The following TRERF1 variants were observed in gnomAD, a reference collection of about 807,000 sequenced individuals.
TRERF1 encodes the protein transcriptional regulating factor 1, also known as transcriptional-regulating factor 1.
TRERF1 carries 27 observed loss-of-function variants against 122.9 expected under a neutral mutation model. That is an observed-to-expected ratio of 0.22 (90% CI 0.16 to 0.30). The LOEUF (loss-of-function observed/expected upper bound fraction) is 0.30, where lower values mean the gene tolerates loss of function less well. Among genes scored for constraint, TRERF1 ranks in the 10% least tolerant of loss-of-function variants. TRERF1 has a pLI of 1.00. For missense variants in TRERF1, 1,248 were observed against 1,560.3 expected (o/e 0.80, Z 3.37); for synonymous variants, 636 against 641.7 (o/e 0.99, Z 0.13).
At chr6:42,430,123 A>C (rs450961) in intron 2 of TRERF1, among the ~76,000 whole-genome samples, 144,175 of 151,392 alleles carry the variant, frequency 0.95, 68,901 homozygotes, top group East Asian at 1. Flanking sequence ...CAGGGGGGCT[A>C]AGGACTACTG....
chr6:42,326,060 G>C (rs1764232407), intron 3 of TRERF1, among the ~76,000 whole-genome samples: 1 of 152,130 alleles, frequency 6.6e-6, no homozygotes, highest in African/African-American at 2.4e-5. Context: ...GCTTCCTATT[G>C]GGTACTATGT....
chr6:42,440,526 A>T (rs1260730565), intron 2 of TRERF1, among the ~76,000 whole-genome samples: 1 of 152,170 alleles, frequency 6.6e-6, no homozygotes, highest in African/African-American at 2.4e-5. Context: ...TATAAATAGC[A>T]GTTACTACTA....
intron 4 of TRERF1, among the ~76,000 whole-genome samples, chr6:42,285,766 T>G (rs1468695780): frequency 6.6e-6 from 1 of 152,152 alleles, no homozygotes; most frequent in Non-Finnish European, 1.5e-5. Context: ...TACCAATGAC[T>G]TTCTTCACAG....
At chr6:42,225,799 T>A (rs1769426357) in exon 18 of TRERF1, 1 of 152,206 alleles carries the variant, frequency 6.6e-6, no homozygotes, top group African/African-American at 2.4e-5. Context: ...TAATAAAATA[T>A]AACAGCAGTT....
intron 2 of TRERF1, among the ~76,000 whole-genome samples, chr6:42,407,893 A>T (rs9394897): frequency 7.3e-5 from 11 of 151,370 alleles, no homozygotes; most frequent in African/African-American, 2.7e-4. Flanking sequence ...TTCTTGTCGC[A>T]CTTAACTTTG....
intron 2 of TRERF1, among the ~76,000 whole-genome samples, chr6:42,374,137 TAA>T (rs373255205): frequency 7.9e-6 from 1 of 127,368 alleles, no homozygotes. Context: ...GTCTTTTTTT[TAA>T]AAAAAAAAAA....
Position 42,251,449 on chromosome 6 carries a change from T to C in TRERF1, c.2656+3402A>G, listed in dbSNP as rs1199392912. Among the ~76,000 whole-genome samples the C allele has an allele frequency of 2.0e-5, 3 of 152,254 alleles. No individual in the cohort carries two copies. In the East Asian group the frequency reaches 5.8e-4, roughly 29 times the overall value. Reference sequence around the variant, plus strand: ...GGGGGTGCAAGTTGAAGCAGGCTATTACACCAGAGTTTTCTCTGTGGATAA... The same window carrying C: ...GGGGGTGCAAGTTGAAGCAGGCTATCACACCAGAGTTTTCTCTGTGGATAA... On this transcript the variant is annotated intron_variant, in intron 13 of 17. Transcript: ENST00000372922.
At chr6:42,351,876 G>C (rs1332943620) in intron 3 of TRERF1, among the ~76,000 whole-genome samples, 2 of 152,164 alleles carry the variant, frequency 1.3e-5, no homozygotes, top group Non-Finnish European at 2.9e-5. Flanking sequence ...CCAATGGAAG[G>C]GGCCTGGGCT....
At chr6:42,299,080 A>ATATCTATCTATCTATC (rs10627055) in intron 4 of TRERF1, among the ~76,000 whole-genome samples, 1 of 134,616 alleles carries the variant, frequency 7.4e-6, no homozygotes, top group African/African-American at 3.1e-5. Flanking sequence ...GTCTCTAAAA[A>ATATCTATCTATCTATC]TATCTATCTA....
At chr6:42,413,428 ATTTTTTTTTT>A (rs5875802) in intron 2 of TRERF1, among the ~76,000 whole-genome samples, 1 of 119,058 alleles carries the variant, frequency 8.4e-6, no homozygotes. Context: ...CAGAATCTGC[ATTTTTTTTTT>A]TTTTTTTTTT....
chr6:42,291,352 C>G (rs150089892), intron 4 of TRERF1, among the ~76,000 whole-genome samples: 9 of 151,762 alleles, frequency 5.9e-5, no homozygotes, highest in African/African-American at 2.2e-4. Flanking sequence ...AGTACAGGCA[C>G]GTCCCATGAA....
At chr6:42,333,717 C>A (rs1765632002) in intron 3 of TRERF1, among the ~76,000 whole-genome samples, 3 of 152,194 alleles carry the variant, frequency 2.0e-5, no homozygotes, top group Admixed American at 2.0e-4. Context: ...TAACTTCAGC[C>A]TCCATGGGAG....
chr6:42,364,383 G>A (rs1475362985), intron 2 of TRERF1, among the ~76,000 whole-genome samples: 2 of 152,128 alleles, frequency 1.3e-5, no homozygotes, highest in Non-Finnish European at 2.9e-5. Context: ...ATTACCACCT[G>A]ACATTTATTA....
chr6:42,234,685 T>A (rs961070981), intron 16 of TRERF1, among the ~76,000 whole-genome samples: 2 of 152,190 alleles, frequency 1.3e-5, no homozygotes, highest in African/African-American at 2.4e-5. Flanking sequence ...TATCGCTGAC[T>A]TAGCAACCAA....
chr6:42,351,878 GC>G (rs1341097221), intron 3 of TRERF1, among the ~76,000 whole-genome samples: 1 of 152,186 alleles, frequency 6.6e-6, no homozygotes, highest in African/African-American at 2.4e-5. Flanking sequence ...AATGGAAGGG[GC>G]CTGGGCTGCT....
chr6:42,436,133 T>C (rs1036694345), intron 2 of TRERF1, among the ~76,000 whole-genome samples: 1 of 151,450 alleles, frequency 6.6e-6, no homozygotes, highest in Non-Finnish European at 1.5e-5. Flanking sequence ...CTTTGGGAGG[T>C]TGAGGCAGGT....
intron 2 of TRERF1, among the ~76,000 whole-genome samples, chr6:42,407,552 C>T (rs1780353867): frequency 1.3e-5 from 2 of 152,128 alleles, no homozygotes; most frequent in Admixed American, 1.3e-4. Context: ...TCACCATTAC[C>T]TCCTCTCAGG....
At chr6:42,339,410 TA>T (rs1202739380) in intron 3 of TRERF1, among the ~76,000 whole-genome samples, 8 of 152,148 alleles carry the variant, frequency 5.3e-5, no homozygotes, top group Non-Finnish European at 8.8e-5. Context: ...ACTCACAATA[TA>T]ATAGCAGGGT....
intron 15 of TRERF1, among the ~76,000 whole-genome samples, 190 bp from the exon 16 acceptor site, chr6:42,236,601 G>GCCTT (rs1772277280): frequency 1.3e-5 from 2 of 152,158 alleles, no homozygotes; most frequent in Non-Finnish European, 2.9e-5. Context: ...CGGATGCTTA[G>GCCTT]GACTTCGAGG....
Sources: allele counts gnomAD v4.1 joint callset (sites outside exome capture counted in the v4.1 genomes callset), GRCh38; gene constraint gnomAD v4.1.1; transcripts MANE v1.5; gene names NCBI Gene and HGNC (gene_info 2026-07-23, HGNC 2026-07-21).